Variants in PNPLA4 observed in about 807,000 individuals in gnomAD.
PNPLA4 encodes the protein patatin-like phospholipase domain-containing protein 4.
A neutral mutation model predicts 18.3 loss-of-function variants in PNPLA4; 15 were observed. That is an observed-to-expected ratio of 0.82 (90% CI 0.55 to 1.26). The LOEUF (loss-of-function observed/expected upper bound fraction) is 1.26, where lower values mean the gene tolerates loss of function less well. Ranked by LOEUF, PNPLA4 falls within the 50% of genes most tolerant of loss-of-function variation. The pLI, the probability that PNPLA4 is intolerant of heterozygous loss-of-function variation, is 0.00. For missense variants in PNPLA4, 229 were observed against 196.8 expected (o/e 1.16, Z -0.98); for synonymous variants, 88 against 85.6 (o/e 1.03, Z -0.16).
chrX:7,919,751 G>A lies in PNPLA4; in HGVS notation c.411+1962C>T, dbSNP rs753465320. On this transcript the variant is annotated intron_variant, in intron 4 of 6. Coordinates refer to ENST00000381042, the MANE Select transcript of PNPLA4 (RefSeq NM_004650.3). ...CATAAAAGGGATGGATAGGGAGGATGAGCATTTTATCCAGTGTGGGGTATA... is the reference window on the plus strand; with the variant it reads ...CATAAAAGGGATGGATAGGGAGGATAAGCATTTTATCCAGTGTGGGGTATA... 4.5e-5 allele frequency among the ~76,000 whole-genome samples: 5 copies of A among 111,896 alleles called. No homozygotes were observed. In the East Asian group the frequency reaches 8.5e-4, roughly 19 times the overall value.
At chrX:7,908,791 A>T (rs1048028603) in intron 5 of PNPLA4, among the ~76,000 whole-genome samples, 2 of 112,139 alleles carry the variant, frequency 1.8e-5, no homozygotes, top group Non-Finnish European at 3.8e-5. Context: ...CCACATGATC[A>T]GCAAGACACT....
At position 7,912,257 on chromosome X, in the gene PNPLA4, A is replaced by G. The variant is rs186798759; in HGVS notation, c.412-164T>C. ...AAAAGATAACACTTTATATCGGAAA[A>G]GACTCTAAACAGATAGGTACAAGTT... On this transcript the variant is annotated intron_variant, in intron 4 of 6. Coordinates refer to ENST00000381042, the MANE Select transcript of PNPLA4 (RefSeq NM_004650.3). Among the ~76,000 whole-genome samples the G allele has an allele frequency of 5.3e-5, 6 of 112,556 alleles. No individual in the cohort carries two copies. In the East Asian group the frequency reaches 1.4e-3, roughly 26 times the overall value.
intron 4 of PNPLA4, among the ~76,000 whole-genome samples, chrX:7,918,379 T>C (rs754754929): frequency 9.0e-6 from 1 of 111,541 alleles, no homozygotes. Flanking sequence ...AAACCCCTTA[T>C]AAAACCATCA....
chrX:7,921,766 T>C lies in PNPLA4; in HGVS notation c.358A>G (p.Thr120Ala). Residue 120 changes from threonine (T) to alanine (A), a missense_variant, in exon 4 of 7, where the codon ACC becomes GCC. By Grantham distance (58) the Thr-to-Ala change is moderately conservative. Transcript: ENST00000381042. ...RLHVSITNAK[T>A]RENHLVSTFS... ...GTGGAGACTAAGTGATTTTCTCTGGTTTTGGCGTTGGTGATGGATACGTGC... is the reference window on the plus strand; with the variant it reads ...GTGGAGACTAAGTGATTTTCTCTGGCTTTGGCGTTGGTGATGGATACGTGC... 2 of 1,209,181 alleles carry C rather than the reference T, an allele frequency of 1.7e-6. No homozygotes were observed. The highest frequency in any genetic ancestry group is 2.2e-6 in the Non-Finnish European group (2 of 893,088).
intron 6 of PNPLA4, 42 bp from the exon 7 acceptor site, chrX:7,900,859 G>A (rs1923509924): frequency 1.9e-6 from 2 of 1,076,268 alleles, no homozygotes; most frequent in Non-Finnish European, 1.3e-6. Context: ...GGATATTGCA[G>A]TACAGGTAAA....
chrX:7,918,867 G>A (rs1924127381), intron 4 of PNPLA4, among the ~76,000 whole-genome samples: 1 of 111,748 alleles, frequency 8.9e-6, no homozygotes, highest in Admixed American at 9.5e-5. Context: ...ATCATCCCTA[G>A]TCTTCCCGCA....
intron 6 of PNPLA4, among the ~76,000 whole-genome samples, chrX:7,901,350 G>C (rs1923525036): frequency 8.9e-6 from 1 of 111,930 alleles, no homozygotes; most frequent in Admixed American, 9.5e-5. Context: ...GAGAGGCCGA[G>C]GCAGGTGGAT....
rs557766184 is a variant in PNPLA4 at position 7,919,428 on chromosome X, C to T, written c.411+2285G>A. 4.8e-4 allele frequency among the ~76,000 whole-genome samples: 54 copies of T among 112,029 alleles called. No homozygotes were observed. The Middle Eastern group carries it at 0.023, about 47-fold the overall frequency. On this transcript the variant is annotated intron_variant, in intron 4 of 6. Transcript: ENST00000381042. ...GTTCCATAGGTTAAAGGGCAGATGC[C>T]CCCTTTTCTTTGCTGGCTGTCAGTG...
chrX:7,922,037 A>T lies in PNPLA4; in HGVS notation c.242T>A (p.Val81Glu). 1 of 1,209,306 alleles carries T rather than the reference A, an allele frequency of 8.3e-7. No homozygotes were observed. The highest frequency in any genetic ancestry group is 1.1e-6 in the Non-Finnish European group (1 of 893,426). The change falls in exon 3 of 7, where the codon GTA becomes GAA. Residue 81 changes from valine (V) to glutamate (E), a missense_variant. By Grantham distance (121) the Val-to-Glu change is moderately radical. Coordinates refer to ENST00000381042, the MANE Select transcript of PNPLA4 (RefSeq NM_004650.3). ...EEIRRQSFGA[V>E]TPGYDFMARL... ...GGCCATGAAGTCATAACCGGGCGTTACTGCCCCGAAAGACTGCCTTCTGAT... is the reference window on the plus strand; with the variant it reads ...GGCCATGAAGTCATAACCGGGCGTTTCTGCCCCGAAAGACTGCCTTCTGAT...
At chrX:7,916,763 T>A (rs923503586) in intron 4 of PNPLA4, among the ~76,000 whole-genome samples, 18 of 111,387 alleles carry the variant, frequency 1.6e-4, no homozygotes, top group African/African-American at 5.9e-4. Flanking sequence ...CCCACAGACA[T>A]AAAGGGTCAT....
At chrX:7,925,081 C>T (rs1365704475) in intron 2 of PNPLA4, among the ~76,000 whole-genome samples, 3 of 112,189 alleles carry the variant, frequency 2.7e-5, no homozygotes, top group Non-Finnish European at 5.6e-5. Flanking sequence ...TGTAAATCAA[C>T]CATATAAAGA....
At position 7,899,279 on chromosome X, in the gene PNPLA4, T is replaced by C. The variant is rs775492338; in HGVS notation, c.*1407A>G. 5 of 111,470 alleles carry C rather than the reference T, an allele frequency of 4.5e-5. No individual in the cohort carries two copies. The highest frequency in any genetic ancestry group is 3.8e-4 in the South Asian group (1 of 2,630). 9.2% of individuals were successfully genotyped at this position (111,470 alleles called of 1,213,427 possible). ...GAGTAAAAGAAGAAATGCGTGACAATTGAAGACATGGAATTAAATTGGTTT... is the reference window on the plus strand; with the variant it reads ...GAGTAAAAGAAGAAATGCGTGACAACTGAAGACATGGAATTAAATTGGTTT... On this transcript the variant is annotated 3_prime_UTR_variant, in exon 7 of 7. Coordinates refer to ENST00000381042, the MANE Select transcript of PNPLA4 (RefSeq NM_004650.3).
chrX:7,915,307 TGG>T lies in PNPLA4; in HGVS notation c.412-3216_412-3215del, dbSNP rs58569682. ...GTCTGTCATAACCTGGGGTGGAGGG[TGG>T]GGGGGGGGGTGTGTCCTGCTAGCAT... On this transcript the variant is annotated intron_variant, in intron 4 of 6. Transcript: ENST00000381042. 2.8e-3 allele frequency among the ~76,000 whole-genome samples: 118 copies of T among 42,578 alleles called. 3 individuals carry two copies. Among genetic ancestry groups the T allele is most frequent in the East Asian group, 8.4e-3 (10 of 1,195 alleles). 37.0% of individuals were successfully genotyped at this position (42,578 alleles called of 115,157 possible).
chrX:7,911,852 T>C (rs1417365379), intron 5 of PNPLA4, among the ~76,000 whole-genome samples, 176 bp downstream of exon 5: 1 of 111,682 alleles, frequency 9.0e-6, no homozygotes, highest in African/African-American at 3.3e-5. Flanking sequence ...AAGATCTTGA[T>C]GATAAGTTAT....
chrX:7,917,743 C>T (rs991108343), intron 4 of PNPLA4, among the ~76,000 whole-genome samples: 2 of 111,370 alleles, frequency 1.8e-5, no homozygotes, highest in Admixed American at 9.6e-5. Context: ...CGTCAGGAAA[C>T]GACAGGCCTA....
intron 5 of PNPLA4, among the ~76,000 whole-genome samples, chrX:7,908,361 T>C (rs184723483): frequency 2.7e-3 from 305 of 112,298 alleles, no homozygotes; most frequent in African/African-American, 9.5e-3. Context: ...ACCTGAGCTG[T>C]ATGAAAACAT....
intron 4 of PNPLA4, among the ~76,000 whole-genome samples, chrX:7,916,214 A>T (rs1281399293): frequency 2.7e-5 from 3 of 111,977 alleles, no homozygotes; most frequent in Non-Finnish European, 5.6e-5. Flanking sequence ...GTTGCATATG[A>T]CTTTCTTTTA....
At chrX:7,912,558 G>T (rs183865627) in intron 4 of PNPLA4, among the ~76,000 whole-genome samples, 70 of 111,815 alleles carry the variant, frequency 6.3e-4, no homozygotes, top group African/African-American at 2.2e-3. Flanking sequence ...TTTGCAAAGG[G>T]AATGGCATAT....
intron 2 of PNPLA4, among the ~76,000 whole-genome samples, chrX:7,923,279 G>A (rs1325789279): frequency 9.0e-6 from 1 of 111,719 alleles, no homozygotes; most frequent in Non-Finnish European, 1.9e-5. Context: ...AAGGGAAGGA[G>A]GGAGGTAGGA....
Sources: gnomAD v4.1 joint callset for allele counts (sites outside exome capture counted in the v4.1 genomes callset) on GRCh38, gnomAD v4.1.1 for gene constraint, MANE v1.5 for transcripts, NCBI Gene and HGNC (gene_info 2026-07-23, HGNC 2026-07-21) for gene names.